Variants in RNF114 observed in about 807,000 individuals in gnomAD.
The protein encoded by RNF114 is ring finger protein 114.
In RNF114, 6 loss-of-function variants were observed where a neutral mutation model predicts 28.4. The ratio of observed to expected loss-of-function variants is 0.21; its 90% CI spans 0.12 to 0.42. The LOEUF is 0.42. Among genes scored for constraint, RNF114 ranks in the 10% least tolerant of loss-of-function variants. The pLI is 1.00. For synonymous variants in RNF114, 115 were observed against 116.7 expected (o/e 0.99, Z 0.09); for missense variants, 249 against 311.7 (o/e 0.80, Z 1.51).
chr20:49,946,007 G>A (rs746495620), intron 3 of RNF114, 129 bp from the exon 4 acceptor site: 2 of 560,594 alleles, frequency 3.6e-6, no homozygotes, highest in Non-Finnish European at 6.3e-6. Context: ...TGAGTCTGAA[G>A]TGATCATCAG....
At chr20:49,938,425 C>A (rs560635178) in intron 1 of RNF114, among the ~76,000 whole-genome samples, 1 of 152,336 alleles carries the variant, frequency 6.6e-6, no homozygotes, top group East Asian at 1.9e-4. Context: ...CCCGCTAGCT[C>A]CAACCGACTG....
chr20:49,938,603 C>G (rs1423461502), intron 1 of RNF114, among the ~76,000 whole-genome samples: 2 of 152,130 alleles, frequency 1.3e-5, no homozygotes, highest in Admixed American at 6.5e-5. Flanking sequence ...GGCTGGGTGC[C>G]CAAGAGAAGG....
At chr20:49,947,823 G>A (rs1343576067) in intron 4 of RNF114, among the ~76,000 whole-genome samples, 6 of 99,678 alleles carry the variant, frequency 6.0e-5, no homozygotes, top group Non-Finnish European at 5.5e-5. Context: ...GCGGAGTTTC[G>A]CTCTGTCGCC....
intron 2 of RNF114, 125 bp from the exon 3 acceptor site, chr20:49,945,257 G>GA (rs1420821544): frequency 2.4e-5 from 15 of 626,042 alleles, no homozygotes; most frequent in African/African-American, 1.3e-4. Flanking sequence ...GCGTAGTCAG[G>GA]AGTTTGGTGA....
chr20:49,948,392 C>G lies in RNF114; in HGVS notation c.514-856C>G, dbSNP rs1107411. The stretch of plus-strand genomic sequence containing the variant: ...GTTGACAGTAACTGCCGCCTTCTGG[C>G]CTTTTCTCCGTGCTGCTGCCTCTCT... On this transcript the variant is annotated intron_variant, in intron 4 of 5. Transcript: ENST00000244061. Among the ~76,000 whole-genome samples the G allele has an allele frequency of 3.2e-3, 480 of 151,556 alleles. 15 individuals carry two copies. In the East Asian group the frequency reaches 0.063, roughly 20 times the overall value.
chr20:49,947,650 C>G (rs1229629890), intron 4 of RNF114, among the ~76,000 whole-genome samples: 1 of 151,892 alleles, frequency 6.6e-6, no homozygotes, highest in African/African-American at 2.4e-5. Flanking sequence ...GGTATGGCAG[C>G]CTAATTTTCT....
chr20:49,944,383 T>C (rs1020474862), intron 2 of RNF114: 2 of 152,206 alleles, frequency 1.3e-5, no homozygotes, highest in Non-Finnish European at 2.9e-5. Context: ...TTTTTGTTTG[T>C]TTTACTGTAT....
At chr20:49,949,737 C>T (rs1019212281) in intron 5 of RNF114, among the ~76,000 whole-genome samples, 12 of 152,082 alleles carry the variant, frequency 7.9e-5, no homozygotes, top group East Asian at 3.9e-4. Context: ...CTCCACCTCC[C>T]GGGTTCAAGT....
Position 49,952,798 on chromosome 20 carries a change from A to G in RNF114, c.*657A>G, listed in dbSNP as rs1273998518. On this transcript the variant is annotated 3_prime_UTR_variant, in exon 6 of 6. Coordinates refer to ENST00000244061, the MANE Select transcript of RNF114 (RefSeq NM_018683.4). Reference sequence around the variant, plus strand: ...GCATGGTGCCTTTTTAGGATAAGGTATAACCATACATTTTTGGTGGAAGTG... The same window carrying G: ...GCATGGTGCCTTTTTAGGATAAGGTGTAACCATACATTTTTGGTGGAAGTG... The G allele has an allele frequency of 2.0e-5, 3 of 152,874 alleles. No individual in the cohort carries two copies. Among genetic ancestry groups the G allele is most frequent in the African/African-American group, 7.2e-5 (3 of 41,460 alleles). 9.5% of individuals were successfully genotyped at this position (152,874 alleles called of 1,614,324 possible).
intron 1 of RNF114, among the ~76,000 whole-genome samples, chr20:49,937,682 C>T (rs2090292993): frequency 1.3e-5 from 2 of 152,182 alleles, no homozygotes; most frequent in Admixed American, 1.3e-4. Context: ...TTCGGTTAGC[C>T]TGGAACTCTT....
chr20:49,946,082 A>T, intron 3 of RNF114, 54 bp from the exon 4 acceptor site: 1 of 915,266 alleles, frequency 1.1e-6, no homozygotes, highest in Non-Finnish European at 1.7e-6. Flanking sequence ...GTTGAAGTTT[A>T]ATGGAAAGGT....
At position 49,953,462 on chromosome 20, in the gene RNF114, T is replaced by TG. The variant is rs2090363806; in HGVS notation, c.*1322dup. 1.3e-5 allele frequency: 2 copies of TG among 152,232 alleles called. No homozygotes were observed. Among genetic ancestry groups the TG allele is most frequent in the Admixed American group, 1.3e-4 (2 of 15,272 alleles). 9.4% of individuals were successfully genotyped at this position (152,232 alleles called of 1,614,324 possible). ...TGATGTCATATGTCTCTGATGGGGC[T>TG]GCAAGTGCTACCTCGCGCTTGTACA... is the stretch of plus-strand genomic sequence containing the variant. On this transcript the variant is annotated 3_prime_UTR_variant, in exon 6 of 6. Coordinates refer to ENST00000244061, the MANE Select transcript of RNF114 (RefSeq NM_018683.4).
At chr20:49,938,670 G>A (rs2090296317) in intron 1 of RNF114, among the ~76,000 whole-genome samples, 2 of 152,180 alleles carry the variant, frequency 1.3e-5, no homozygotes, top group African/African-American at 2.4e-5. Flanking sequence ...ACTAGAAAAG[G>A]GCGCATAAGT....
chr20:49,950,443 G>T (rs2146860388), intron 5 of RNF114, among the ~76,000 whole-genome samples: 1 of 152,172 alleles, frequency 6.6e-6, no homozygotes, highest in Non-Finnish European at 1.5e-5. Context: ...ATTTTTGGGA[G>T]GCTGAGGCAG....
intron 4 of RNF114, among the ~76,000 whole-genome samples, chr20:49,948,009 C>G (rs953377188): frequency 4.6e-5 from 7 of 151,734 alleles, no homozygotes; most frequent in Non-Finnish European, 1.0e-4. Flanking sequence ...CCAGGATGGT[C>G]TCGATCTCCT....
At chr20:49,937,781 C>T (rs531278175) in intron 1 of RNF114, among the ~76,000 whole-genome samples, 1 of 152,166 alleles carries the variant, frequency 6.6e-6, no homozygotes, top group African/African-American at 2.4e-5. Flanking sequence ...CCCCCACTTC[C>T]TTTCTGGGAC....
chr20:49,940,508 G>A (rs1390870418), intron 1 of RNF114, among the ~76,000 whole-genome samples: 5 of 151,760 alleles, frequency 3.3e-5, no homozygotes, highest in Non-Finnish European at 4.4e-5. Flanking sequence ...TCTGCGTCCT[G>A]GGTTCATGCC....
chr20:49,950,556 C>T (rs1448650882), intron 5 of RNF114, among the ~76,000 whole-genome samples: 1 of 151,738 alleles, frequency 6.6e-6, no homozygotes, highest in Non-Finnish European at 1.5e-5. Context: ...TGGCTCCTAC[C>T]TGTAGTCCTA....
intron 5 of RNF114, 71 bp from the exon 6 acceptor site, chr20:49,952,005 T>G (rs2090357027): frequency 1.5e-6 from 2 of 1,348,978 alleles, no homozygotes; most frequent in Admixed American, 1.7e-5. Flanking sequence ...TAGGCTGTCC[T>G]GCTTCTACTG....
Sources: allele counts gnomAD v4.1 joint callset (sites outside exome capture counted in the v4.1 genomes callset), GRCh38; gene constraint gnomAD v4.1.1; transcripts MANE v1.5; gene names NCBI Gene and HGNC (gene_info 2026-07-23, HGNC 2026-07-21).